The following RGS3 variants were observed in gnomAD, a reference collection of about 807,000 sequenced individuals.
RGS3 encodes the protein regulator of G-protein signalling 3.
Under a neutral mutation model 132.6 loss-of-function variants are expected in RGS3, and 80 were observed. The observed-to-expected ratio is 0.60, with a 90% CI of 0.50 to 0.73. RGS3 has a LOEUF of 0.73. RGS3 is among the 30% of genes least tolerant of loss of function. The pLI, the probability that RGS3 is intolerant of heterozygous loss-of-function variation, is 0.00. For missense variants in RGS3, 1,382 were observed against 1,530.8 expected (o/e 0.90, Z 1.62); for synonymous variants, 598 against 620.6 (o/e 0.96, Z 0.54).
exon 25 of RGS3, chr9:113,597,105 C>A: frequency 1.5e-6 from 1 of 648,540 alleles, no homozygotes; most frequent in South Asian, 2.0e-5. Context: ...AGGCCTGGAC[C>A]AAGAGAGGCC....
intron 17 of RGS3, among the ~76,000 whole-genome samples, chr9:113,525,538 A>G (rs1051700226): frequency 6.6e-6 from 1 of 152,192 alleles, no homozygotes; most frequent in African/African-American, 2.4e-5. Flanking sequence ...TGTTGGCAGA[A>G]TGGTCTCTGA....
At chr9:113,567,502 A>G (rs1834066457) in intron 19 of RGS3, among the ~76,000 whole-genome samples, 1 of 152,168 alleles carries the variant, frequency 6.6e-6, no homozygotes, top group Admixed American at 6.5e-5. Context: ...GTGTCCGCCC[A>G]TCTCCTAGCT....
At chr9:113,456,909 C>T (rs1224588810), upstream of RGS3, among the ~76,000 whole-genome samples, 1 of 152,178 alleles carries the variant, frequency 6.6e-6, no homozygotes, top group East Asian at 1.9e-4. Context: ...AAGCCATTCT[C>T]CTGCCTCAGC....
In RGS3 at chr9:113,529,101, CTCTT is replaced by C; in HGVS notation, c.1871-118_1871-115del. 2.0e-5 allele frequency: 16 copies of C among 788,126 alleles called. No individual in the cohort carries two copies. In the Middle Eastern group the frequency reaches 3.0e-3, roughly 147 times the overall value. The allele number at this position is 788,126 out of a possible 1,614,324, so 48.8% of individuals were successfully genotyped here. A position where few individuals can be genotyped will look rare whatever the true frequency, so the allele number is the denominator to read the frequency against. ...TTCCCTGCCTCCCATGCCTGCCTCTCTCTTTTCCCAGGAGGTGCCACACACAGCC... is the reference window on the plus strand; with the variant it reads ...TTCCCTGCCTCCCATGCCTGCCTCTCTTCCCAGGAGGTGCCACACACAGCC... On this transcript the variant is annotated intron_variant, in intron 17 of 24. Coordinates refer to ENST00000350696, the Ensembl canonical transcript of RGS3.
chr9:113,462,464 C>T (rs1214923924), intron 3 of RGS3, among the ~76,000 whole-genome samples: 1 of 152,206 alleles, frequency 6.6e-6, no homozygotes. Flanking sequence ...GACCCTGTGG[C>T]GTTTGCTCCT....
At chr9:113,535,273 A>C (rs1832632618) in intron 18 of RGS3, among the ~76,000 whole-genome samples, 1 of 152,082 alleles carries the variant, frequency 6.6e-6, no homozygotes. Flanking sequence ...TGCCAGGTTC[A>C]AGTGATTCTC....
chr9:113,461,011 G>A (rs1438516372), intron 1 of RGS3, among the ~76,000 whole-genome samples: 1 of 152,160 alleles, frequency 6.6e-6, no homozygotes, highest in Admixed American at 6.5e-5. Context: ...TCAGTGTGAT[G>A]TGTGCTTATA....
At chr9:113,489,825 AT>A (rs1214291365) in intron 7 of RGS3, among the ~76,000 whole-genome samples, 1 of 152,112 alleles carries the variant, frequency 6.6e-6, no homozygotes, top group African/African-American at 2.4e-5. Context: ...CTACCGCAGA[AT>A]TTATAATGGA....
exon 20 of RGS3, chr9:113,583,454 T>C (rs1834926242): frequency 6.2e-7 from 1 of 1,614,142 alleles, no homozygotes. Context: ...TCCCAGATGT[T>C]TGAGACGGAG....
intron 3 of RGS3, among the ~76,000 whole-genome samples, chr9:113,472,640 G>A (rs2119191192): frequency 6.6e-6 from 1 of 152,310 alleles, no homozygotes; most frequent in Middle Eastern, 3.4e-3. Context: ...GGGTGTGACT[G>A]CGAAAGAGTA....
chr9:113,503,621 A>G (rs547575381), intron 10 of RGS3, among the ~76,000 whole-genome samples: 1 of 152,242 alleles, frequency 6.6e-6, no homozygotes, highest in Admixed American at 6.5e-5. Flanking sequence ...CTCTCCAGTT[A>G]CTGCCCCATA....
chr9:113,487,787 C>T (rs534250024), intron 7 of RGS3, among the ~76,000 whole-genome samples: 2 of 152,288 alleles, frequency 1.3e-5, no homozygotes, highest in South Asian at 4.1e-4. Flanking sequence ...TGTAGATTCT[C>T]TTTGGAGTAT....
intron 3 of RGS3, among the ~76,000 whole-genome samples, chr9:113,469,539 AT>A (rs930874714): frequency 2.6e-5 from 4 of 152,136 alleles, no homozygotes; most frequent in Admixed American, 2.6e-4. Flanking sequence ...AGTTTGAAAT[AT>A]TATACAGACA....
intron 10 of RGS3, 128 bp downstream of exon 8, chr9:113,498,208 G>A (rs1830748781): frequency 1.4e-6 from 1 of 735,796 alleles, no homozygotes; most frequent in Non-Finnish European, 2.3e-6. Context: ...TACTCAGAAG[G>A]AATAATTTCT....
chr9:113,539,910 C>T (rs574366432), intron 19 of RGS3, among the ~76,000 whole-genome samples: 1 of 152,204 alleles, frequency 6.6e-6, no homozygotes, highest in African/African-American at 2.4e-5. Context: ...TGCTGTGGGA[C>T]CTTCAGCAGC....
rs1245265106 is a variant in RGS3 at position 113,518,864 on chromosome 9, GA to G, written c.1758+1242del. On this transcript the variant is annotated intron_variant, in intron 16 of 24. Transcript: ENST00000350696. ...GAAGTCACTTAGAGCTATGTTTGGT[GA>G]ATGAGAGTGTGGTGGACCTAAGTCT... Among the ~76,000 whole-genome samples, 4 of 152,172 alleles carry G rather than the reference GA, an allele frequency of 2.6e-5. No homozygotes were observed. In the East Asian group the frequency reaches 7.7e-4, roughly 29 times the overall value.
At position 113,507,694 on chromosome 9, in the gene RGS3, G is replaced by T. The variant is rs531854597; in HGVS notation, c.1437+56G>T. ...GGTACTGGGTCCCTGTGGGAGGCCA[G>T]GAAGACTTGAAGACCCAAAGTTGTG... On this transcript the variant is annotated intron_variant, in intron 13 of 24. Transcript: ENST00000350696. This position sits in a 1 kb window ranked among gnomAD's most constrained non-coding sequence, Gnocchi z 5.0. 1.4e-6 allele frequency: 2 copies of T among 1,387,770 alleles called. No homozygotes were observed. The highest frequency in any genetic ancestry group is 5.1e-5 in the East Asian group (2 of 39,312). The allele number at this position is 1,387,770 out of a possible 1,614,324, so 86.0% of individuals were successfully genotyped here.
chr9:113,548,138 G>C (rs1833190706), intron 19 of RGS3, among the ~76,000 whole-genome samples: 1 of 152,320 alleles, frequency 6.6e-6, no homozygotes, highest in South Asian at 2.1e-4. Flanking sequence ...CCCCCACTGA[G>C]ATCAATTGAT....
intron 19 of RGS3, among the ~76,000 whole-genome samples, chr9:113,564,769 A>G (rs1833921816): frequency 6.6e-6 from 1 of 152,170 alleles, no homozygotes; most frequent in Admixed American, 6.5e-5. Flanking sequence ...GCATTCAAAG[A>G]TTCAGCTGTG....
Sources: gnomAD v4.1 joint callset for allele counts (sites outside exome capture counted in the v4.1 genomes callset) on GRCh38, gnomAD v4.1.1 for gene constraint, Gnocchi (gnomAD v3.1) non-coding constraint, MANE v1.5 for transcripts, NCBI Gene and HGNC (gene_info 2026-07-23, HGNC 2026-07-21) for gene names.